Variants in KCNN2 observed in about 807,000 individuals in gnomAD.
KCNN2 encodes small conductance calcium-activated potassium channel protein 2.
Under a neutral mutation model 55.5 loss-of-function variants are expected in KCNN2, and 24 were observed. The observed-to-expected ratio is 0.43, with a 90% CI of 0.31 to 0.61. The LOEUF (loss-of-function observed/expected upper bound fraction) is 0.61. Among genes scored for constraint, KCNN2 ranks in the 20% least tolerant of loss-of-function variants. The pLI is 0.08. For missense variants in KCNN2, 754 were observed against 853.6 expected, an observed-to-expected ratio of 0.88 and a Z score of 1.45; for synonymous variants, 431 against 336.1, an observed-to-expected ratio of 1.28 and a Z score of -3.09.
rs1192215803 is a variant in KCNN2, at chr5:114,300,027, G to T, written c.-184-60918G>T. 5.3e-4 allele frequency among the ~76,000 whole-genome samples: 3 copies of T among 5,668 alleles called. No individual in the cohort carries two copies. In the Non-Finnish European group the frequency reaches 9.1e-3, roughly 17 times the overall value. The allele number at this position is 5,668 out of a possible 152,430, so 3.7% of individuals were successfully genotyped here. ...CCTGGTGGTGATTCTTCCAAAAATG[G>T]TGTTTTTTTTTCCACTCCTCCCAGA... On this transcript the variant is annotated intron_variant, in intron 2 of 10. Coordinates refer to the KCNN2 transcript ENST00000512097.
chr5:114,435,086 G>C (rs968691463), intron 3 of KCNN2, among the ~76,000 whole-genome samples: 7 of 152,210 alleles, frequency 4.6e-5, no homozygotes, highest in African/African-American at 1.4e-4. Flanking sequence ...AGAAAAATGT[G>C]ATGCCACTCT....
intron 3 of KCNN2, among the ~76,000 whole-genome samples, chr5:114,428,830 C>T (rs549985609): frequency 1.3e-5 from 2 of 152,086 alleles, no homozygotes; most frequent in South Asian, 2.1e-4. Flanking sequence ...AGAGTATGTA[C>T]CCCTTTCAGA....
At chr5:114,242,837 A>G (rs920339585) in intron 2 of KCNN2, among the ~76,000 whole-genome samples, 1 of 152,220 alleles carries the variant, frequency 6.6e-6, no homozygotes, top group Non-Finnish European at 1.5e-5. Context: ...TTCCCCTATT[A>G]CAAATTAATA....
At chr5:114,162,896 C>A (rs1439450683) in intron 1 of KCNN2, among the ~76,000 whole-genome samples, 1 of 152,194 alleles carries the variant, frequency 6.6e-6, no homozygotes. Flanking sequence ...CAGGTGCCGT[C>A]TGTCACCCCT....
intron 2 of KCNN2, among the ~76,000 whole-genome samples, chr5:114,382,330 C>T (rs560708658): frequency 2.6e-5 from 4 of 152,272 alleles, no homozygotes; most frequent in East Asian, 1.9e-4. Context: ...TCTTTCCTTT[C>T]TGTGATATAC....
intron 3 of KCNN2, among the ~76,000 whole-genome samples, chr5:114,427,220 A>C (rs1408786667): frequency 6.6e-6 from 1 of 152,002 alleles, no homozygotes; most frequent in Non-Finnish European, 1.5e-5. Context: ...CCAATTTTCT[A>C]CTCACCTGGT....
intron 1 of KCNN2, among the ~76,000 whole-genome samples, chr5:114,158,258 G>A (rs568245310): frequency 6.6e-6 from 1 of 152,152 alleles, no homozygotes; most frequent in Non-Finnish European, 1.5e-5. Flanking sequence ...TGTTAAGTAG[G>A]GAATCCTTCC....
intron 1 of KCNN2, among the ~76,000 whole-genome samples, chr5:114,138,536 C>T (rs747752310): frequency 6.6e-6 from 1 of 152,164 alleles, no homozygotes; most frequent in Non-Finnish European, 1.5e-5. Flanking sequence ...TTAGAAACCA[C>T]TGTAGAACCC....
chr5:114,248,628 T>G (rs964427880), intron 2 of KCNN2, among the ~76,000 whole-genome samples: 3 of 152,208 alleles, frequency 2.0e-5, no homozygotes, highest in Non-Finnish European at 2.9e-5. Flanking sequence ...ATTTACCCAC[T>G]AGAAAATTAT....
chr5:114,062,428 G>C (rs1395061923), intron 1 of KCNN2, among the ~76,000 whole-genome samples: 6 of 152,114 alleles, frequency 3.9e-5, no homozygotes, highest in Non-Finnish European at 8.8e-5. Flanking sequence ...TCTTATGTAG[G>C]AGAAAAATAG....
intron 2 of KCNN2, among the ~76,000 whole-genome samples, chr5:114,281,008 C>T (rs4705656): frequency 0.11 from 16,919 of 152,120 alleles, 1,166 homozygotes; most frequent in South Asian, 0.21. Context: ...AGAGAATACC[C>T]TACACCCCAT....
intron 1 of KCNN2, among the ~76,000 whole-genome samples, chr5:114,133,114 A>G (rs1410302876): frequency 6.6e-6 from 1 of 152,168 alleles, no homozygotes; most frequent in Non-Finnish European, 1.5e-5. Flanking sequence ...AGGAAACATA[A>G]TTAATGAATG....
At chr5:114,448,893 G>T (rs1178592478) in intron 3 of KCNN2, among the ~76,000 whole-genome samples, 1 of 152,182 alleles carries the variant, frequency 6.6e-6, no homozygotes, top group Non-Finnish European at 1.5e-5. Flanking sequence ...TTGGATCAGT[G>T]GCGCATATTT....
At position 114,488,457 on chromosome 5, in the gene KCNN2, A is replaced by C. The variant is rs530877675; in HGVS notation, c.2018+1280A>C. 3.5e-4 allele frequency among the ~76,000 whole-genome samples: 53 copies of C among 152,312 alleles called. 1 individual carries two copies. The South Asian group carries it at 0.011, about 32-fold the overall frequency. ...AGAGTTTTCAAATAATACTCTTAAAATAAGGAAAAACACAGAAAGGAACAT... is the reference window on the plus strand; with the variant it reads ...AGAGTTTTCAAATAATACTCTTAAACTAAGGAAAAACACAGAAAGGAACAT... On this transcript the variant is annotated intron_variant, in intron 6 of 7. Coordinates refer to ENST00000673685, the MANE Select transcript of KCNN2 (RefSeq NM_021614.4).
intron 1 of KCNN2, among the ~76,000 whole-genome samples, chr5:114,070,802 C>G (rs1750552947): frequency 6.6e-6 from 1 of 152,178 alleles, no homozygotes; most frequent in African/African-American, 2.4e-5. Context: ...TAAAGGTGGG[C>G]AGGTTACCAG....
intron 2 of KCNN2, among the ~76,000 whole-genome samples, chr5:114,301,050 A>ATT (rs1305632163): frequency 1.0e-3 from 7 of 7,008 alleles, no homozygotes; most frequent in South Asian, 0.011. Context: ...CCTTTATTAA[A>ATT]TATTTTTTTT....
chr5:114,128,001 C>G (rs2112607218), intron 1 of KCNN2, among the ~76,000 whole-genome samples: 1 of 152,180 alleles, frequency 6.6e-6, no homozygotes, highest in Non-Finnish European at 1.5e-5. Flanking sequence ...GCATTTTGGC[C>G]AAAGCCACTC....
chr5:114,299,975 G>T (rs1174647185), intron 2 of KCNN2, among the ~76,000 whole-genome samples: 1 of 151,774 alleles, frequency 6.6e-6, no homozygotes, highest in Non-Finnish European at 1.5e-5. Context: ...CTGGAAAAGA[G>T]ACTTTCTGGG....
intron 2 of KCNN2, among the ~76,000 whole-genome samples, chr5:114,252,329 T>A (rs547963238): frequency 6.6e-6 from 1 of 152,346 alleles, no homozygotes; most frequent in Admixed American, 6.5e-5. Flanking sequence ...GAAACTTATA[T>A]GAAGAGACTC....
Sources: allele counts gnomAD v4.1 joint callset (sites outside exome capture counted in the v4.1 genomes callset), GRCh38; gene constraint gnomAD v4.1.1; transcripts MANE v1.5; gene names NCBI Gene and HGNC (gene_info 2026-07-23, HGNC 2026-07-21).